The following ESRRB variants were observed in gnomAD, a reference collection of about 807,000 sequenced individuals.
ESRRB encodes steroid hormone receptor ERR2.
In ESRRB, 16 loss-of-function variants were observed where a neutral mutation model predicts 46.0. The ratio of observed to expected loss-of-function variants is 0.35; its 90% CI spans 0.24 to 0.53. ESRRB has a LOEUF of 0.53. Among genes scored for constraint, ESRRB ranks in the 20% least tolerant of loss-of-function variants. The pLI is 0.93. For missense variants in ESRRB, 488 were observed against 607.4 expected, an observed-to-expected ratio of 0.80 and a Z score of 2.07; for synonymous variants, 246 against 259.6, an observed-to-expected ratio of 0.95 and a Z score of 0.50.
chr14:76,498,917 G>A lies in ESRRB; in HGVS notation c.*459G>A, dbSNP rs377564506. ...TTTTCCTTCCGCAGAGGGCAGGTAC[G>A]CAAGGGACAACAGTATCTTTCTTCC... On this transcript the variant is annotated 3_prime_UTR_variant, in exon 7 of 7. Transcript: ENST00000644823. 9 of 519,632 alleles carry A rather than the reference G, an allele frequency of 1.7e-5. No individual in the cohort carries two copies. The highest frequency in any genetic ancestry group is 6.5e-4 in the Middle Eastern group (2 of 3,096). The allele number at this position is 519,632 out of a possible 1,614,324, so 32.2% of individuals were successfully genotyped here.
intron 1 of ESRRB, among the ~76,000 whole-genome samples, chr14:76,344,756 G>T (rs186766574): frequency 6.6e-6 from 1 of 151,964 alleles, no homozygotes. Flanking sequence ...GGAAGCTGAG[G>T]CAGGAGAATG....
At chr14:76,435,975 C>T (rs1887657437) in intron 1 of ESRRB, among the ~76,000 whole-genome samples, 2 of 152,172 alleles carry the variant, frequency 1.3e-5, no homozygotes, top group Admixed American at 6.5e-5. Flanking sequence ...ACGGGCTTCC[C>T]GCACCAACCC....
intron 1 of ESRRB, among the ~76,000 whole-genome samples, chr14:76,321,450 GA>G (rs1883866398): frequency 6.6e-6 from 1 of 152,132 alleles, no homozygotes; most frequent in Non-Finnish European, 1.5e-5. Flanking sequence ...AAAGCTTTAA[GA>G]ATTCTTCAGT....
In ESRRB at chr14:76,448,187, C is replaced by T. The variant is rs76529321; in HGVS notation, c.460+8437C>T. Among the ~76,000 whole-genome samples, 952 of 152,274 alleles carry T rather than the reference C, an allele frequency of 6.3e-3. 8 individuals carry two copies. Among genetic ancestry groups the T allele is most frequent in the African/African-American group, 0.022 (917 of 41,570 alleles). Reference sequence around the variant, plus strand: ...CCTCCAGGAAGGCTTCTCTGATTCTCTCCTCTCATTCCTCCTGGATGCCCT... The same window carrying T: ...CCTCCAGGAAGGCTTCTCTGATTCTTTCCTCTCATTCCTCCTGGATGCCCT... On this transcript the variant is annotated intron_variant, in intron 2 of 6. Transcript: ENST00000644823.
At chr14:76,410,931 G>A (rs1409276569) in intron 1 of ESRRB, among the ~76,000 whole-genome samples, 1 of 151,910 alleles carries the variant, frequency 6.6e-6, no homozygotes, top group East Asian at 2.0e-4. Flanking sequence ...TTACAGGCAA[G>A]TGCCACCAAG....
In ESRRB at chr14:76,462,595, C is replaced by T. The variant is rs776797024; in HGVS notation, c.511C>T (p.Arg171Trp). ...CACCAACGAGTGCGAGATCACCAAA[C>T]GGAGGCGCAAGTCCTGCCAGGCCTG... ...PATNECEITK[R>W]RRKSCQACRF... The change falls in exon 3 of 7, where the codon CGG (arginine) becomes TGG (tryptophan). Residue 171 changes from arginine (R) to tryptophan (W), a missense_variant. Arg to Trp is a moderately radical substitution (Grantham distance 101). Coordinates refer to ENST00000644823, the MANE Select transcript of ESRRB (RefSeq NM_001379180.1). The T allele has an allele frequency of 9.9e-6, 16 of 1,614,010 alleles. No homozygotes were observed. The highest frequency in any genetic ancestry group is 5.5e-5 in the South Asian group (5 of 91,088).
intron 3 of ESRRB, among the ~76,000 whole-genome samples, chr14:76,469,929 G>GTTTTTTTTT (rs769935944): frequency 7.1e-4 from 56 of 78,722 alleles, no homozygotes; most frequent in South Asian, 1.5e-3. Flanking sequence ...GTTTTTTGTT[G>GTTTTTTTTT]TTTTTTTTTT....
In ESRRB at chr14:76,494,042, C is replaced by T. The variant is rs1890328261; in HGVS notation, c.1120+2326C>T. Among the ~76,000 whole-genome samples the T allele has an allele frequency of 2.0e-5, 3 of 152,214 alleles. No individual in the cohort carries two copies. In the South Asian group the frequency reaches 6.2e-4, roughly 31 times the overall value. ...CTTCCTGCCTCCCCACTTCCTTTCT[C>T]CTGAACACATGCCCCCCGTAAATGT... On this transcript the variant is annotated intron_variant, in intron 6 of 6. Transcript: ENST00000644823.
At chr14:76,377,209 G>A (rs113815066) in intron 1 of ESRRB, among the ~76,000 whole-genome samples, 3 of 152,240 alleles carry the variant, frequency 2.0e-5, no homozygotes, top group African/African-American at 7.2e-5. Context: ...AGCCGGCGCC[G>A]CGAGAAGCGA....
rs759158454 is a variant in ESRRB at position 76,498,688 on chromosome 14, CT to C, written c.*233del. 2 of 1,448,054 alleles carry C rather than the reference CT, an allele frequency of 1.4e-6. No homozygotes were observed. The highest frequency in any genetic ancestry group is 2.3e-5 in the South Asian group (2 of 85,438). The allele number at this position is 1,448,054 out of a possible 1,614,324, so 89.7% of individuals were successfully genotyped here. On this transcript the variant is annotated 3_prime_UTR_variant, in exon 7 of 7. Transcript: ENST00000644823. ...GGGGCTCGACTGTAACTGGCTTTTT[CT>C]TTGGTATGTCTTTCCTTCTCCATGG...
In ESRRB at chr14:76,339,854, T is replaced by G. The variant is rs372358254; in HGVS notation, c.2+28938T>G. Among the ~76,000 whole-genome samples, 27 of 152,272 alleles carry G rather than the reference T, an allele frequency of 1.8e-4. No individual in the cohort carries two copies. The South Asian group carries it at 1.9e-3, about 11-fold the overall frequency. On this transcript the variant is annotated intron_variant, in intron 1 of 6. Coordinates refer to the ESRRB transcript ENST00000512784. ...CGCACAAAAGGACATATTGATTGGT[T>G]TGTAGAAGCATTTCCTGGGGTGCTT... is the stretch of plus-strand genomic sequence containing the variant.
intron 1 of ESRRB, among the ~76,000 whole-genome samples, chr14:76,356,380 G>A (rs1025721984): frequency 6.6e-6 from 1 of 152,140 alleles, no homozygotes; most frequent in Non-Finnish European, 1.5e-5. Flanking sequence ...TAGGAGGCTG[G>A]TACTCTCTCT....
chr14:76,428,172 AT>A (rs1887282189), intron 1 of ESRRB, among the ~76,000 whole-genome samples: 1 of 151,690 alleles, frequency 6.6e-6, no homozygotes, highest in South Asian at 2.1e-4. Context: ...CTAATTTTGT[AT>A]TTTTCGTAGA....
intron 2 of ESRRB, among the ~76,000 whole-genome samples, chr14:76,444,483 C>T (rs1303073016): frequency 6.6e-6 from 1 of 151,844 alleles, no homozygotes; most frequent in Non-Finnish European, 1.5e-5. Context: ...GAGTAAGGTG[C>T]AGAGGGGGAG....
chr14:76,418,116 T>A (rs2139880593), intron 1 of ESRRB, among the ~76,000 whole-genome samples: 1 of 151,926 alleles, frequency 6.6e-6, no homozygotes, highest in Middle Eastern at 3.4e-3. Context: ...CCACCATGCG[T>A]GGCTAATTTT....
intron 1 of ESRRB, among the ~76,000 whole-genome samples, chr14:76,393,440 G>A (rs146839910): frequency 2.0e-5 from 3 of 152,182 alleles, no homozygotes; most frequent in Non-Finnish European, 4.4e-5. Context: ...GTTACATATG[G>A]TCAGGCAATG....
At chr14:76,401,689 G>GGTTATAGC (rs1885951832) in intron 1 of ESRRB, among the ~76,000 whole-genome samples, 1 of 152,114 alleles carries the variant, frequency 6.6e-6, no homozygotes, top group African/African-American at 2.4e-5. Flanking sequence ...TAGCCTAGGA[G>GGTTATAGC]CAATAGGCTT....
intron 1 of ESRRB, among the ~76,000 whole-genome samples, chr14:76,322,834 G>T (rs1171949105): frequency 6.6e-6 from 1 of 152,158 alleles, no homozygotes; most frequent in South Asian, 2.1e-4. Context: ...CACGCAATCC[G>T]CCCACCTTGG....
At chr14:76,444,104 C>G (rs540162097) in intron 2 of ESRRB, among the ~76,000 whole-genome samples, 1 of 152,036 alleles carries the variant, frequency 6.6e-6, no homozygotes, top group East Asian at 1.9e-4. Flanking sequence ...CTCTGTTGCC[C>G]AGGCTGGAGT....
Sources: allele counts gnomAD v4.1 joint callset (sites outside exome capture counted in the v4.1 genomes callset), GRCh38; gene constraint gnomAD v4.1.1; transcripts MANE v1.5; gene names NCBI Gene and HGNC (gene_info 2026-07-23, HGNC 2026-07-21).